Variants in RCAN1 observed in about 807,000 individuals in gnomAD.
RCAN1 encodes the protein regulator of calcineurin 1, also known as calcipressin-1.
A neutral mutation model predicts 22.9 loss-of-function variants in RCAN1; 11 were observed. The ratio of observed to expected loss-of-function variants is 0.48; its 90% CI spans 0.30 to 0.79. RCAN1 has a LOEUF of 0.79. Ranked by LOEUF, RCAN1 falls within the 30% of genes least tolerant of loss-of-function variation. The pLI, the probability that RCAN1 is intolerant of heterozygous loss-of-function variation, is 0.06. For missense variants in RCAN1, 291 were observed against 337.8 expected, an observed-to-expected ratio of 0.86 and a Z score of 1.09; for synonymous variants, 136 against 142.3, an observed-to-expected ratio of 0.96 and a Z score of 0.32.
At chr21:34,557,000 G>T (rs1986601819) in intron 1 of RCAN1, among the ~76,000 whole-genome samples, 1 of 152,182 alleles carries the variant, frequency 6.6e-6, no homozygotes, top group Non-Finnish European at 1.5e-5. Context: ...ATCACCTGAG[G>T]TCAGGAGTTC....
At chr21:34,582,501 C>T (rs2268265) in intron 1 of RCAN1, among the ~76,000 whole-genome samples, 41,990 of 151,806 alleles carry the variant, frequency 0.28, 6,519 homozygotes, top group East Asian at 0.44. Context: ...AAGAACCTTC[C>T]GGGAATTCCA....
intron 1 of RCAN1, among the ~76,000 whole-genome samples, chr21:34,600,993 G>GC (rs887924878): frequency 6.6e-5 from 10 of 152,162 alleles, no homozygotes; most frequent in African/African-American, 2.4e-4. Context: ...AAATTTTTAA[G>GC]CTGCAGGACC....
At chr21:34,588,177 T>A (rs957687838) in intron 1 of RCAN1, among the ~76,000 whole-genome samples, 6 of 152,208 alleles carry the variant, frequency 3.9e-5, no homozygotes, top group Non-Finnish European at 7.3e-5. Context: ...ATAAACATAA[T>A]GTTGAACAAA....
intron 1 of RCAN1, chr21:34,613,862 C>T (rs993313362): frequency 1.4e-5 from 20 of 1,431,410 alleles, no homozygotes; most frequent in Non-Finnish European, 1.9e-5. Flanking sequence ...CATTTGTGGA[C>T]CCACAGCCAA....
At chr21:34,521,106 A>C in intron 3 of RCAN1, 1 of 1,267,488 alleles carries the variant, frequency 7.9e-7, no homozygotes, top group Non-Finnish European at 9.9e-7. Flanking sequence ...GATTAAAAAT[A>C]ACATTTCTTA....
In RCAN1 at chr21:34,614,787, CG is replaced by C; in HGVS notation, c.224del (p.Pro75ArgfsTer37). 1 of 1,470,426 alleles carries C rather than the reference CG, an allele frequency of 6.8e-7. No individual in the cohort carries two copies. Among genetic ancestry groups the C allele is most frequent in the Non-Finnish European group, 9.0e-7 (1 of 1,107,862 alleles). 91.1% of individuals were successfully genotyped at this position (1,470,426 alleles called of 1,614,324 possible). A position where few individuals can be genotyped will look rare whatever the true frequency, so the allele number is the denominator to read the frequency against. On this transcript the variant is annotated frameshift_variant, in exon 1 of 4. Coordinates refer to ENST00000313806, the MANE Select transcript of RCAN1 (RefSeq NM_004414.7). LOFTEE classifies it high-confidence loss of function. This position sits in a 1 kb window ranked among gnomAD's most constrained non-coding sequence, Gnocchi z 6.0. ...GGCACAGGCCGTCCACGAACACGCG[CG>C]GGTCCAGGTGACAGGCGATGGTGGC... ...PSATIACHLDPRVFVDGLCRA... is the reference protein window; with the variant it reads ...PSATIACHLDXRVFVDGLCRA...
rs1987177591 is a variant in RCAN1 at position 34,570,003 on chromosome 21, C to T, written c.252+44757G>A. Among the ~76,000 whole-genome samples the T allele has an allele frequency of 2.6e-5, 4 of 152,314 alleles. No individual in the cohort carries two copies. In the East Asian group the frequency reaches 7.7e-4, roughly 29 times the overall value. ...AGGTGAAGGTAGTGGTGGGCCTGCC[C>T]ATGGCTTCTTCTGGAAGCTGGTGGC... On this transcript the variant is annotated intron_variant, in intron 1 of 3. Coordinates refer to ENST00000313806, the MANE Select transcript of RCAN1 (RefSeq NM_004414.7).
intron 1 of RCAN1, among the ~76,000 whole-genome samples, chr21:34,601,817 CAAAAA>C (rs202036960): frequency 1.2e-5 from 1 of 83,370 alleles, no homozygotes; most frequent in African/African-American, 5.5e-5. Context: ...GACTCTGTCT[CAAAAA>C]AAAAAAAAAA....
Position 34,592,496 on chromosome 21 carries a change from C to T in RCAN1, c.252+22264G>A, listed in dbSNP as rs554436742. 1.6e-4 allele frequency among the ~76,000 whole-genome samples: 25 copies of T among 152,302 alleles called. No individual in the cohort carries two copies. In the South Asian group the frequency reaches 5.2e-3, roughly 32 times the overall value. The stretch of plus-strand genomic sequence containing the variant: ...GTTCAAGCAGAGGGGAGCAAAGTCC[C>T]ATTTTCCCAGCACTAGGATTAGATG... On this transcript the variant is annotated intron_variant, in intron 1 of 3. Coordinates refer to ENST00000313806, the MANE Select transcript of RCAN1 (RefSeq NM_004414.7).
chr21:34,572,170 G>A (rs2409527), intron 1 of RCAN1, among the ~76,000 whole-genome samples: 26,255 of 152,020 alleles, frequency 0.17, 2,716 homozygotes, highest in South Asian at 0.25. Flanking sequence ...CAGGGATTTC[G>A]CAAGAGGTCA....
chr21:34,521,711 G>A, intron 2 of RCAN1, 53 bp from the exon 3 acceptor site: 1 of 1,487,762 alleles, frequency 6.7e-7, no homozygotes, highest in Non-Finnish European at 9.2e-7. Context: ...GAACTGCAGT[G>A]AGGCAACAGC....
At chr21:34,534,734 G>A (rs1449467578) in intron 1 of RCAN1, among the ~76,000 whole-genome samples, 1 of 152,202 alleles carries the variant, frequency 6.6e-6, no homozygotes, top group Non-Finnish European at 1.5e-5. Flanking sequence ...GTGGTGTAGG[G>A]TTGTGATGAC....
chr21:34,569,250 C>T (rs562097431), intron 1 of RCAN1, among the ~76,000 whole-genome samples: 1 of 152,290 alleles, frequency 6.6e-6, no homozygotes, highest in East Asian at 1.9e-4. Context: ...CTTGAGAATA[C>T]AGTATTGTCT....
chr21:34,574,131 AT>A (rs1351091045), intron 1 of RCAN1, among the ~76,000 whole-genome samples: 1 of 152,242 alleles, frequency 6.6e-6, no homozygotes, highest in Non-Finnish European at 1.5e-5. Context: ...TCCACAAAGC[AT>A]TTCAGAATAT....
At chr21:34,558,231 C>T (rs745366480) in intron 1 of RCAN1, among the ~76,000 whole-genome samples, 1 of 152,168 alleles carries the variant, frequency 6.6e-6, no homozygotes, top group Non-Finnish European at 1.5e-5. Context: ...CATCACCAAA[C>T]CACTCTGCAG....
At chr21:34,585,270 C>T (rs1987750684) in intron 1 of RCAN1, among the ~76,000 whole-genome samples, 1 of 152,164 alleles carries the variant, frequency 6.6e-6, no homozygotes, top group Admixed American at 6.5e-5. Context: ...TAGAATAATG[C>T]TAATGTCATT....
chr21:34,546,481 C>G (rs1041606210), intron 1 of RCAN1, among the ~76,000 whole-genome samples: 10 of 151,624 alleles, frequency 6.6e-5, no homozygotes, highest in Non-Finnish European at 1.5e-4. Flanking sequence ...AAAACCCCAA[C>G]AATGCTGTTA....
rs565125037 is a variant in RCAN1, at chr21:34,521,112, T to C, written c.586+387A>G. On this transcript the variant is annotated intron_variant, in intron 3 of 3. Coordinates refer to ENST00000313806, the MANE Select transcript of RCAN1 (RefSeq NM_004414.7). ...ATTTATTTTGATTAAAAATAACATT[T>C]CTTAAAGGGGGCATCGATTTTCCCT... The C allele has an allele frequency of 4.0e-6, 5 of 1,265,798 alleles. No homozygotes were observed. In the East Asian group the frequency reaches 1.2e-4, roughly 31 times the overall value. 78.4% of individuals were successfully genotyped at this position (1,265,798 alleles called of 1,614,324 possible).
chr21:34,547,785 G>A (rs149002718), intron 1 of RCAN1, among the ~76,000 whole-genome samples: 38 of 152,282 alleles, frequency 2.5e-4, no homozygotes, highest in African/African-American at 8.9e-4. Flanking sequence ...TCTGCCATGC[G>A]ATGACCCTCA....
Sources: gnomAD v4.1 joint callset for allele counts (sites outside exome capture counted in the v4.1 genomes callset) on GRCh38, gnomAD v4.1.1 for gene constraint, Gnocchi (gnomAD v3.1) non-coding constraint, MANE v1.5 for transcripts, NCBI Gene and HGNC (gene_info 2026-07-23, HGNC 2026-07-21) for gene names.